RIPK1: variants seen among roughly 807,000 people sequenced by gnomAD.
RIPK1 encodes the protein receptor-interacting serine/threonine-protein kinase 1.
RIPK1 carries 27 observed loss-of-function variants against 62.4 expected under a neutral mutation model. That is an observed-to-expected ratio of 0.43 (90% CI 0.32 to 0.60). The LOEUF is 0.60. RIPK1 is among the 20% of genes least tolerant of loss of function. RIPK1 has a pLI of 0.07. For missense variants in RIPK1, 735 were observed against 831.0 expected (o/e 0.88, Z 1.42); for synonymous variants, 287 against 303.2 (o/e 0.95, Z 0.55).
chr6:3,068,425 G>A (rs1420192122), upstream of RIPK1: 3 of 985,482 alleles, frequency 3.0e-6, no homozygotes, highest in South Asian at 9.4e-5. Flanking sequence ...TCCCACGAGC[G>A]GCGGGGCGGC....
intron 1 of RIPK1, among the ~76,000 whole-genome samples, chr6:3,071,484 G>A (rs976943938): frequency 6.6e-6 from 1 of 152,126 alleles, no homozygotes; most frequent in Admixed American, 6.5e-5. Context: ...AGGCCAGCAT[G>A]TCTTTGTCAC....
intron 9 of RIPK1, 26 bp downstream of exon 9, chr6:3,106,077 G>T (rs9501920): frequency 0.05 from 74,880 of 1,491,498 alleles, 8,789 homozygotes; most frequent in African/African-American, 0.46. Flanking sequence ...ATAGTCACAA[G>T]CTTGTCTTTT....
chr6:3,082,707 A>G (rs1759457473), intron 4 of RIPK1, among the ~76,000 whole-genome samples: 3 of 152,220 alleles, frequency 2.0e-5, no homozygotes, highest in Non-Finnish European at 2.9e-5. Context: ...CAGAGAAGAA[A>G]ATAACCATTT....
At chr6:3,073,384 G>A (rs553248022) in intron 1 of RIPK1, among the ~76,000 whole-genome samples, 231 of 152,058 alleles carry the variant, frequency 1.5e-3, no homozygotes, top group Admixed American at 3.5e-3. Context: ...TGCAGATGAG[G>A]AAACTGAGGC....
chr6:3,083,039 T>C, intron 4 of RIPK1, 46 bp from the exon 5 acceptor site: 1 of 1,580,226 alleles, frequency 6.3e-7, no homozygotes, highest in Non-Finnish European at 8.7e-7. Flanking sequence ...TCTGATTTGC[T>C]TACGGCCTTC....
intron 7 of RIPK1, among the ~76,000 whole-genome samples, chr6:3,090,321 T>C (rs1759972432): frequency 6.6e-6 from 1 of 152,064 alleles, no homozygotes; most frequent in Non-Finnish European, 1.5e-5. Context: ...GGAATCAAGC[T>C]ACTGCCATCC....
chr6:3,065,264 C>CAAAAAAAAAAAAAA (rs57722248), upstream of RIPK1, among the ~76,000 whole-genome samples: 4 of 40,620 alleles, frequency 9.8e-5, no homozygotes, highest in African/African-American at 4.5e-4. Flanking sequence ...GACTCCGTCT[C>CAAAAAAAAAAAAAA]AAAAAAAAAA....
chr6:3,112,737 T>G (rs1439226951), intron 10 of RIPK1, among the ~76,000 whole-genome samples: 1 of 152,148 alleles, frequency 6.6e-6, no homozygotes, highest in East Asian at 1.9e-4. Flanking sequence ...AGGTTCTTGC[T>G]GTGTTGCCCA....
At chr6:3,099,701 T>C (rs1276447514) in intron 7 of RIPK1, among the ~76,000 whole-genome samples, 1 of 152,196 alleles carries the variant, frequency 6.6e-6, no homozygotes, top group Non-Finnish European at 1.5e-5. Context: ...ATCCATTAGA[T>C]TGAAATTTTT....
chr6:3,094,481 A>T (rs1393001560), intron 7 of RIPK1, among the ~76,000 whole-genome samples: 2 of 151,998 alleles, frequency 1.3e-5, no homozygotes. Flanking sequence ...GTATTTAGAA[A>T]ATATTTTTCA....
chr6:3,072,625 A>G lies in RIPK1; in HGVS notation c.-61+3964A>G, dbSNP rs576478601. On this transcript the variant is annotated intron_variant, in intron 1 of 10. Coordinates refer to ENST00000259808, the MANE Select transcript of RIPK1 (RefSeq NM_001354930.2). The surrounding 1 kb of genome is among the most constrained non-coding windows in gnomAD (Gnocchi z 5.6). ...CTGCTAGGCTCTGGAGATGGTGCAC[A>G]AGACAAGTTTCCTGCCTTCTGTGAA... Among the ~76,000 whole-genome samples the G allele has an allele frequency of 1.3e-5, 2 of 152,160 alleles. No individual in the cohort carries two copies. The highest frequency in any genetic ancestry group is 2.1e-4 in the South Asian group (1 of 4,830).
Position 3,113,255 on chromosome 6 carries a change from C to T in RIPK1, c.1932C>T (p.Ala644=), listed in dbSNP as rs1465566797. 1.2e-6 allele frequency: 2 copies of T among 1,613,970 alleles called. No individual in the cohort carries two copies. The highest frequency in any genetic ancestry group is 1.7e-5 in the Admixed American group (1 of 59,994). ...KWVMREGIKG[A]TVGKLAQALH... is the part of the protein sequence containing the mutation. ...TGATGAGGGAAGGCATAAAGGGAGC[C>T]ACGGTGGGGAAGCTGGCCCAGGCGC... Residue 644 remains alanine, a synonymous_variant, in exon 11 of 11, where the codon GCC becomes GCT. Coordinates refer to ENST00000259808, the MANE Select transcript of RIPK1 (RefSeq NM_001354930.2). This position sits in a 1 kb window ranked among gnomAD's most constrained non-coding sequence, Gnocchi z 5.0.
chr6:3,095,791 A>T (rs1052839982), intron 7 of RIPK1, among the ~76,000 whole-genome samples: 2 of 152,170 alleles, frequency 1.3e-5, no homozygotes, highest in African/African-American at 4.8e-5. Context: ...TCTGATAATA[A>T]GGTATCTTGA....
Position 3,068,760 on chromosome 6 carries a change from C to A in RIPK1, c.-61+99C>A, listed in dbSNP as rs9503385. ...GGTTCGCGCGCCCTCCCCCAGCACG[C>A]CCGGGCAAGGCTGCCGCGGCGTCGG... is the stretch of plus-strand genomic sequence containing the variant. On this transcript the variant is annotated intron_variant, in intron 1 of 10. Transcript: ENST00000259808. The A allele has an allele frequency of 7.9e-4, 576 of 727,706 alleles. 4 individuals carry two copies. The African/African-American group carries it at 9.2e-3, about 12-fold the overall frequency. The allele number at this position is 727,706 out of a possible 1,614,324, so 45.1% of individuals were successfully genotyped here.
chr6:3,104,261 A>G lies in RIPK1; in HGVS notation c.952A>G (p.Met318Val), dbSNP rs1477626990. ...AAACGAAAATGCAGTTGTGAAGAGAATGCAGTCTCTTCAACTTGATTGTGT... is the reference window on the plus strand; with the variant it reads ...AAACGAAAATGCAGTTGTGAAGAGAGTGCAGTCTCTTCAACTTGATTGTGT... The part of the protein sequence containing the change: ...YSNENAVVKR[M>V]QSLQLDCVAV... The change falls in exon 8 of 11, where the codon ATG (methionine) becomes GTG (valine). Residue 318 changes from methionine (M) to valine (V), a missense_variant. Physicochemically the swap from Met to Val is conservative, Grantham distance 21. Coordinates refer to ENST00000259808, the MANE Select transcript of RIPK1 (RefSeq NM_001354930.2). 1 of 1,600,046 alleles carries G rather than the reference A, an allele frequency of 6.2e-7. No homozygotes were observed. The highest frequency in any genetic ancestry group is 8.6e-7 in the Non-Finnish European group (1 of 1,167,820).
At chr6:3,099,530 T>C (rs7750192) in intron 7 of RIPK1, among the ~76,000 whole-genome samples, 28,323 of 152,090 alleles carry the variant, frequency 0.19, 6,940 homozygotes, top group African/African-American at 0.57. Flanking sequence ...GGTGACAAAG[T>C]GAGACTCCGT....
At chr6:3,070,329 ATACT>A (rs1758645141) in intron 1 of RIPK1, among the ~76,000 whole-genome samples, 8 of 152,192 alleles carry the variant, frequency 5.3e-5, no homozygotes, top group Admixed American at 5.2e-4. Flanking sequence ...TTTGAAGAAA[ATACT>A]TAATTTCCCA....
chr6:3,065,218 C>A (rs1213976128), upstream of RIPK1, among the ~76,000 whole-genome samples: 1 of 147,110 alleles, frequency 6.8e-6, no homozygotes, highest in African/African-American at 2.6e-5. Flanking sequence ...GATCGCGCCA[C>A]TGCACTCCAG....
intron 6 of RIPK1, among the ~76,000 whole-genome samples, chr6:3,086,184 G>A (rs139556569): frequency 2.6e-5 from 4 of 152,276 alleles, no homozygotes; most frequent in Admixed American, 1.3e-4. Flanking sequence ...CCACGGTTTG[G>A]TTAACTACTC....
Sources: allele counts gnomAD v4.1 joint callset (sites outside exome capture counted in the v4.1 genomes callset), GRCh38; gene constraint gnomAD v4.1.1; non-coding constraint Gnocchi (gnomAD v3.1); transcripts MANE v1.5; gene names NCBI Gene and HGNC (gene_info 2026-07-23, HGNC 2026-07-21).